Variants in KLC1 observed in about 807,000 individuals in gnomAD.
KLC1 encodes kinesin 2 60/70kDa.
In KLC1, 30 loss-of-function variants were observed where a neutral mutation model predicts 84.2. The ratio of observed to expected loss-of-function variants is 0.36; its 90% CI spans 0.27 to 0.48. The LOEUF (loss-of-function observed/expected upper bound fraction) is 0.48. Ranked by LOEUF, KLC1 falls within the 20% of genes least tolerant of loss-of-function variation. KLC1 has a pLI of 0.99. For synonymous variants in KLC1, 289 were observed against 293.3 expected, an observed-to-expected ratio of 0.99 and a Z score of 0.15; for missense variants, 499 against 805.4, an observed-to-expected ratio of 0.62 and a Z score of 4.60.
At chr14:103,692,881 A>G (rs1009973483) in intron 15 of KLC1, among the ~76,000 whole-genome samples, 3 of 152,232 alleles carry the variant, frequency 2.0e-5, no homozygotes, top group Admixed American at 6.5e-5. Flanking sequence ...GTTTGACACT[A>G]AAACCTGAAG....
At chr14:103,645,849 C>G (rs1367235823) in intron 1 of KLC1, among the ~76,000 whole-genome samples, 1 of 151,334 alleles carries the variant, frequency 6.6e-6, no homozygotes, top group Non-Finnish European at 1.5e-5. Flanking sequence ...GTTCCGCCTT[C>G]TGGGTTCATG....
chr14:103,639,797 C>T (rs1208615007), intron 1 of KLC1, among the ~76,000 whole-genome samples: 2 of 151,698 alleles, frequency 1.3e-5, no homozygotes, highest in Non-Finnish European at 2.9e-5. Context: ...TCAACTCTGT[C>T]ACCCAGGCTA....
At chr14:103,643,910 G>A (rs902499916) in intron 1 of KLC1, among the ~76,000 whole-genome samples, 5 of 150,310 alleles carry the variant, frequency 3.3e-5, no homozygotes, top group Admixed American at 1.3e-4. Flanking sequence ...TGCTTCCAAT[G>A]TGGCTGTTAA....
intron 15 of KLC1, chr14:103,699,348 C>G (rs1241315271): frequency 6.3e-7 from 1 of 1,589,632 alleles, no homozygotes; most frequent in South Asian, 1.1e-5. Context: ...GGGTGCAACC[C>G]TGCCTTGGTG....
chr14:103,669,873 T>C (rs1205059065), intron 6 of KLC1, among the ~76,000 whole-genome samples: 1 of 152,228 alleles, frequency 6.6e-6, no homozygotes, highest in Non-Finnish European at 1.5e-5. Context: ...CTGAAAATTA[T>C]ATTGTCTTCA....
At chr14:103,644,291 G>T (rs1387333116) in intron 1 of KLC1, among the ~76,000 whole-genome samples, 2 of 145,734 alleles carry the variant, frequency 1.4e-5, no homozygotes, top group Non-Finnish European at 3.0e-5. Flanking sequence ...ATGGAATCTC[G>T]CTTTGTCGCC....
At chr14:103,671,453 T>C (rs2080382383) in intron 7 of KLC1, among the ~76,000 whole-genome samples, 1 of 152,122 alleles carries the variant, frequency 6.6e-6, no homozygotes. Flanking sequence ...CACTGCAGCC[T>C]TCGCCTCCTG....
chr14:103,632,418 A>T (rs1395759882), intron 1 of KLC1, among the ~76,000 whole-genome samples: 1 of 150,130 alleles, frequency 6.7e-6, no homozygotes. Flanking sequence ...CTCAAAACAA[A>T]CAAAAAGAGC....
chr14:103,634,386 GAA>G lies in KLC1; in HGVS notation c.-2+4895_-2+4896del, dbSNP rs529240805. 1.9e-3 allele frequency among the ~76,000 whole-genome samples: 292 copies of G among 152,264 alleles called. 3 individuals are homozygous for G. The highest frequency in any genetic ancestry group is 9.3e-4 in the Non-Finnish European group (63 of 68,026). ...GGCTGGTGACACTCATCCAAGGAGG[GAA>G]AATGGGAGAAGGATGAGATTATGAG... On this transcript the variant is annotated intron_variant, in intron 1 of 16. Coordinates refer to ENST00000334553, the MANE Select transcript of KLC1 (RefSeq NM_001394837.1).
intron 1 of KLC1, among the ~76,000 whole-genome samples, chr14:103,654,228 A>G (rs367703452): frequency 1.8e-4 from 28 of 152,366 alleles, no homozygotes; most frequent in African/African-American, 6.5e-4. Flanking sequence ...TTAGGAAGAG[A>G]AAAAGGCTTG....
At chr14:103,640,893 G>A (rs1350837171) in intron 1 of KLC1, among the ~76,000 whole-genome samples, 1 of 151,922 alleles carries the variant, frequency 6.6e-6, no homozygotes, top group Non-Finnish European at 1.5e-5. Flanking sequence ...GACAACCAAG[G>A]AACCAACATT....
intron 1 of KLC1, among the ~76,000 whole-genome samples, chr14:103,640,234 A>G (rs934021709): frequency 1.3e-5 from 2 of 149,974 alleles, no homozygotes; most frequent in Non-Finnish European, 3.0e-5. Flanking sequence ...CTAATTTTGT[A>G]TTTTTAATAG....
In KLC1 at chr14:103,692,310, G is replaced by T; in HGVS notation, c.1782-49G>T. ...TTGCTTGTGCTTCCTGTTGCTGGTT[G>T]ACCGATGTGCTGATCGTTTGTCCTT... On this transcript the variant is annotated intron_variant, in intron 14 of 16. Transcript: ENST00000334553. 4 of 1,515,134 alleles carry T rather than the reference G, an allele frequency of 2.6e-6. No homozygotes were observed. In the South Asian group the frequency reaches 4.8e-5, roughly 18 times the overall value. 93.9% of individuals were successfully genotyped at this position (1,515,134 alleles called of 1,614,324 possible).
chr14:103,694,437 C>T lies in KLC1; in HGVS notation c.1848+2012C>T. ...CACAAGGTCAGGAGATCGAGACCAT[C>T]CTGGCTAACATGGCGTTTCACTTTT... On this transcript the variant is annotated intron_variant, in intron 15 of 16. Coordinates refer to ENST00000334553, the MANE Select transcript of KLC1 (RefSeq NM_001394837.1). This position sits in a 1 kb window ranked among gnomAD's most constrained non-coding sequence, Gnocchi z 4.5. 1 of 985,244 alleles carries T rather than the reference C, an allele frequency of 1.0e-6. No homozygotes were observed. The highest frequency in any genetic ancestry group is 1.7e-5 in the African/African-American group (1 of 57,328). 61.0% of individuals were successfully genotyped at this position (985,244 alleles called of 1,614,324 possible). A position where few individuals can be genotyped will look rare whatever the true frequency, so the allele number is the denominator to read the frequency against.
At chr14:103,660,385 GC>G (rs1024168406) in intron 3 of KLC1, among the ~76,000 whole-genome samples, 1 of 151,816 alleles carries the variant, frequency 6.6e-6, no homozygotes, top group Non-Finnish European at 1.5e-5. Context: ...GGAGGCTGAG[GC>G]AGGAGAATCG....
At chr14:103,700,769 G>T (rs1450105684) in intron 16 of KLC1, 42 bp downstream of exon 16, 1 of 1,482,594 alleles carries the variant, frequency 6.7e-7, no homozygotes, top group Non-Finnish European at 9.2e-7. Context: ...AGGCAGCTGG[G>T]CCAGGGAGGG....
intron 1 of KLC1, among the ~76,000 whole-genome samples, chr14:103,636,786 G>A (rs1005418047): frequency 6.6e-5 from 10 of 151,748 alleles, no homozygotes; most frequent in African/African-American, 2.2e-4. Flanking sequence ...GCAGTGGCGC[G>A]ATCTCGGCTC....
In KLC1 at chr14:103,693,886, T is replaced by G. The variant is rs2082265584; in HGVS notation, c.1848+1461T>G. On this transcript the variant is annotated intron_variant, in intron 15 of 16. Transcript: ENST00000334553. The surrounding 1 kb of genome is among the most constrained non-coding windows in gnomAD (Gnocchi z 5.1). The stretch of plus-strand genomic sequence containing the variant: ...CAGGGAGGCCGAGGTGGCGCTGAGG[T>G]GGCTTCAGCACGCTGGGGATTGGCT... 7.5e-7 allele frequency: 1 copy of G among 1,338,320 alleles called. No homozygotes were observed. The highest frequency in any genetic ancestry group is 1.5e-5 in the African/African-American group (1 of 67,120). The allele number at this position is 1,338,320 out of a possible 1,614,324, so 82.9% of individuals were successfully genotyped here.
At chr14:103,637,154 A>G (rs748657348) in intron 1 of KLC1, among the ~76,000 whole-genome samples, 2 of 151,492 alleles carry the variant, frequency 1.3e-5, no homozygotes, top group African/African-American at 2.4e-5. Flanking sequence ...TTCCTAATCT[A>G]TGGCTTAACT....
Sources: gnomAD v4.1 joint callset for allele counts (sites outside exome capture counted in the v4.1 genomes callset) on GRCh38, gnomAD v4.1.1 for gene constraint, Gnocchi (gnomAD v3.1) non-coding constraint, MANE v1.5 for transcripts, NCBI Gene and HGNC (gene_info 2026-07-23, HGNC 2026-07-21) for gene names.